Variants in SGK1 observed in about 807,000 individuals in gnomAD.
The protein encoded by SGK1 is serine/threonine-protein kinase Sgk1.
Under a neutral mutation model 64.2 loss-of-function variants are expected in SGK1, and 26 were observed. That is an observed-to-expected ratio of 0.40 (90% CI 0.30 to 0.56). The LOEUF (loss-of-function observed/expected upper bound fraction) is 0.56. SGK1 is among the 20% of genes least tolerant of loss of function. SGK1 has a pLI of 0.38. For missense variants in SGK1, 519 were observed against 645.6 expected (o/e 0.80, Z 2.12); for synonymous variants, 265 against 239.7 (o/e 1.11, Z -0.98).
At chr6:134,302,797 C>T (rs1777477555) in intron 1 of SGK1, among the ~76,000 whole-genome samples, 1 of 151,944 alleles carries the variant, frequency 6.6e-6, no homozygotes, top group Non-Finnish European at 1.5e-5. Flanking sequence ...CTCTGTCGCC[C>T]AGGCTGGAGT....
chr6:134,212,389 C>T (rs746503054), intron 2 of SGK1, among the ~76,000 whole-genome samples: 7 of 152,162 alleles, frequency 4.6e-5, no homozygotes, highest in Non-Finnish European at 8.8e-5. Context: ...TTACAAAGAA[C>T]AGGTCTACTC....
chr6:134,233,746 A>G (rs1776324040), intron 2 of SGK1, among the ~76,000 whole-genome samples: 1 of 152,166 alleles, frequency 6.6e-6, no homozygotes, highest in South Asian at 2.1e-4. Flanking sequence ...AAGACTCTAA[A>G]TTTATTCCTA....
At chr6:134,209,915 A>G (rs1204895146) in intron 2 of SGK1, among the ~76,000 whole-genome samples, 1 of 152,172 alleles carries the variant, frequency 6.6e-6, no homozygotes, top group African/African-American at 2.4e-5. Context: ...GACCTCAGGT[A>G]ATCCGCCCAC....
chr6:134,200,328 C>T (rs2114675621), intron 3 of SGK1, among the ~76,000 whole-genome samples: 1 of 152,140 alleles, frequency 6.6e-6, no homozygotes, highest in South Asian at 2.1e-4. Context: ...GAGCATATGC[C>T]ACTTTTATGT....
At chr6:134,217,265 A>T (rs976329300) in intron 2 of SGK1, among the ~76,000 whole-genome samples, 1 of 152,084 alleles carries the variant, frequency 6.6e-6, no homozygotes, top group African/African-American at 2.4e-5. Context: ...ATGGCTTTGG[A>T]ATTTGGTGAC....
At chr6:134,183,270 C>T (rs1207973306) in intron 3 of SGK1, among the ~76,000 whole-genome samples, 1 of 145,050 alleles carries the variant, frequency 6.9e-6, no homozygotes, top group Non-Finnish European at 1.5e-5. Flanking sequence ...TTGGGATATC[C>T]GTCATCTCAA....
intron 1 of SGK1, among the ~76,000 whole-genome samples, chr6:134,263,627 T>C (rs1776801196): frequency 6.6e-6 from 1 of 152,240 alleles, no homozygotes; most frequent in South Asian, 2.1e-4. Context: ...TCACCACTTG[T>C]CTTGCTTGCT....
At chr6:134,274,680 A>C (rs1052334915) in intron 1 of SGK1, among the ~76,000 whole-genome samples, 8 of 152,216 alleles carry the variant, frequency 5.3e-5, no homozygotes, top group East Asian at 3.9e-4. Context: ...AAAAAAAAAA[A>C]AACCCAAATC....
chr6:134,298,308 C>G, intron 1 of SGK1: 1 of 1,568,150 alleles, frequency 6.4e-7, no homozygotes, highest in South Asian at 1.1e-5. Flanking sequence ...TCCAAGCTGT[C>G]TTCTGCTGCT....
chr6:134,171,486 T>C (rs1203765821), intron 11 of SGK1, 151 bp downstream of exon 11: 2 of 630,070 alleles, frequency 3.2e-6, no homozygotes, highest in Non-Finnish European at 5.6e-6. Flanking sequence ...TAAGTGATTA[T>C]TCTTATGAAC....
intron 3 of SGK1, among the ~76,000 whole-genome samples, chr6:134,176,186 C>T (rs1000279657): frequency 2.0e-5 from 3 of 152,182 alleles, no homozygotes; most frequent in Non-Finnish European, 2.9e-5. Flanking sequence ...GGGCCTGCTC[C>T]TCTCCCGCTG....
chr6:134,183,594 T>C (rs1471466154), intron 3 of SGK1, among the ~76,000 whole-genome samples: 1 of 152,220 alleles, frequency 6.6e-6, no homozygotes, highest in Non-Finnish European at 1.5e-5. Flanking sequence ...ATTTCTGATT[T>C]TCCTCAGGCC....
At chr6:134,279,462 A>AT (rs1777063070) in intron 1 of SGK1, among the ~76,000 whole-genome samples, 2 of 152,024 alleles carry the variant, frequency 1.3e-5, no homozygotes, top group African/African-American at 4.8e-5. Flanking sequence ...AAATAAATAA[A>AT]ATAAAGGCAA....
intron 3 of SGK1, among the ~76,000 whole-genome samples, chr6:134,191,573 A>G (rs2114665585): frequency 6.6e-6 from 1 of 152,310 alleles, no homozygotes; most frequent in Middle Eastern, 3.4e-3. Context: ...TTTAAGTTCC[A>G]CAGTTAAGTC....
intron 2 of SGK1, among the ~76,000 whole-genome samples, chr6:134,235,676 A>G (rs753968225): frequency 2.6e-5 from 4 of 151,598 alleles, no homozygotes; most frequent in Non-Finnish European, 5.9e-5. Flanking sequence ...GGTTCAAGTG[A>G]TTCTCCTGCC....
At chr6:134,179,087 A>C (rs1300056830) in intron 3 of SGK1, among the ~76,000 whole-genome samples, 2 of 152,162 alleles carry the variant, frequency 1.3e-5, no homozygotes, top group African/African-American at 4.8e-5. Flanking sequence ...TTAATTTTAA[A>C]AGGCTTATAA....
intron 1 of SGK1, chr6:134,297,215 C>T (rs1343953757): frequency 1.1e-6 from 1 of 921,102 alleles, no homozygotes; most frequent in African/African-American, 1.6e-5. Context: ...GTATCCCAGA[C>T]TCCAGCCGGC....
chr6:134,299,627 C>G (rs907326800), intron 1 of SGK1, among the ~76,000 whole-genome samples: 1 of 152,084 alleles, frequency 6.6e-6, no homozygotes, highest in Non-Finnish European at 1.5e-5. Flanking sequence ...TACAGTAAAA[C>G]TCATAACAAG....
chr6:134,232,688 T>TA (rs1776308665), intron 2 of SGK1, among the ~76,000 whole-genome samples: 1 of 151,972 alleles, frequency 6.6e-6, no homozygotes, highest in Non-Finnish European at 1.5e-5. Flanking sequence ...TCGTCTCTGC[T>TA]AAAAATACAA....
Sources: gnomAD v4.1 joint callset for allele counts (sites outside exome capture counted in the v4.1 genomes callset) on GRCh38, gnomAD v4.1.1 for gene constraint, MANE v1.5 for transcripts, NCBI Gene and HGNC (gene_info 2026-07-23, HGNC 2026-07-21) for gene names.